KCNIP4: variants seen among roughly 807,000 people sequenced by gnomAD.
KCNIP4 encodes Kv channel-interacting protein 4.
KCNIP4 carries 12 observed loss-of-function variants against 34.0 expected under a neutral mutation model. The ratio of observed to expected loss-of-function variants is 0.35; its 90% CI spans 0.23 to 0.57. The LOEUF is 0.57. Among genes scored for constraint, KCNIP4 ranks in the 20% least tolerant of loss-of-function variants. The pLI, the probability that KCNIP4 is intolerant of heterozygous loss-of-function variation, is 0.83. For missense variants in KCNIP4, 238 were observed against 311.7 expected (o/e 0.76, Z 1.78); for synonymous variants, 124 against 102.2 (o/e 1.21, Z -1.29).
chr4:21,449,885 T>A (rs578177075), intron 1 of KCNIP4, among the ~76,000 whole-genome samples: 1 of 152,192 alleles, frequency 6.6e-6, no homozygotes, highest in South Asian at 2.1e-4. Context: ...ATTCCATCCA[T>A]CCATCCACCC....
intron 1 of KCNIP4, among the ~76,000 whole-genome samples, chr4:21,417,031 C>T (rs575360604): frequency 1.6e-4 from 25 of 152,184 alleles, no homozygotes; most frequent in Admixed American, 3.3e-4. Flanking sequence ...GTTTGCCTTC[C>T]GTGTTTTGTA....
At chr4:21,054,772 C>T (rs1250309279) in intron 1 of KCNIP4, among the ~76,000 whole-genome samples, 1 of 145,316 alleles carries the variant, frequency 6.9e-6, no homozygotes, top group Admixed American at 6.9e-5. Context: ...TAACTAAAAG[C>T]AGATCATATA....
intron 1 of KCNIP4, among the ~76,000 whole-genome samples, chr4:21,763,891 C>A (rs539411879): frequency 6.6e-6 from 1 of 152,042 alleles, no homozygotes; most frequent in East Asian, 1.9e-4. Context: ...AAAAAGGAAC[C>A]CTCAGCCAAC....
chr4:20,856,553 T>A (rs1055031769), intron 2 of KCNIP4, among the ~76,000 whole-genome samples: 10 of 152,182 alleles, frequency 6.6e-5, no homozygotes, highest in African/African-American at 2.2e-4. Flanking sequence ...ATCTTACATG[T>A]CTTGTTTATC....
At chr4:20,740,595 A>G (rs1750829005) in intron 5 of KCNIP4, among the ~76,000 whole-genome samples, 1 of 152,218 alleles carries the variant, frequency 6.6e-6, no homozygotes, top group African/African-American at 2.4e-5. Flanking sequence ...AGAAAGGAAC[A>G]ACTGATACCA....
At chr4:21,616,272 T>G (rs1328880365) in intron 1 of KCNIP4, among the ~76,000 whole-genome samples, 1 of 152,092 alleles carries the variant, frequency 6.6e-6, no homozygotes, top group African/African-American at 2.4e-5. Context: ...AATCTTACCT[T>G]TATCTCTCCA....
Position 21,291,869 on chromosome 4 carries a change from AAGAAAGAAAGAAAGAAAG to A in KCNIP4, c.62-409178_62-409161del, listed in dbSNP as rs1763510981. Among the ~76,000 whole-genome samples, 2 of 11,772 alleles carry A rather than the reference AAGAAAGAAAGAAAGAAAG, an allele frequency of 1.7e-4. 1 individual carries two copies. Among genetic ancestry groups the A allele is most frequent in the African/African-American group, 9.4e-4 (2 of 2,132 alleles). 7.7% of individuals were successfully genotyped at this position (11,772 alleles called of 152,430 possible). ...ACTCCGCCTCAAAAAAAAAAAAAAA[AAGAAAGAAAGAAAGAAAG>A]AAAGAAAGAAAGAAAGAAAGAAAGA... On this transcript the variant is annotated intron_variant, in intron 1 of 8. Coordinates refer to ENST00000382152, the MANE Select transcript of KCNIP4 (RefSeq NM_025221.6).
intron 1 of KCNIP4, among the ~76,000 whole-genome samples, chr4:21,073,761 T>C (rs1745199905): frequency 6.6e-6 from 1 of 152,176 alleles, no homozygotes; most frequent in Non-Finnish European, 1.5e-5. Context: ...CAGTATGATA[T>C]TGGCCATGGG....
intron 1 of KCNIP4, among the ~76,000 whole-genome samples, chr4:21,785,054 C>T (rs1373358072): frequency 6.6e-6 from 1 of 152,148 alleles, no homozygotes; most frequent in Non-Finnish European, 1.5e-5. Flanking sequence ...GTTTAAACTA[C>T]ACGTACAGCA....
At chr4:20,911,029 T>C (rs928128740) in intron 1 of KCNIP4, among the ~76,000 whole-genome samples, 2 of 151,934 alleles carry the variant, frequency 1.3e-5, no homozygotes, top group Admixed American at 6.6e-5. Context: ...AGAGAAAAAA[T>C]AGACTCCAGT....
intron 1 of KCNIP4, among the ~76,000 whole-genome samples, chr4:21,128,122 C>T (rs1303484794): frequency 2.6e-5 from 4 of 152,142 alleles, no homozygotes; most frequent in South Asian, 2.1e-4. Flanking sequence ...AATCAGACAG[C>T]CTTGTTCAAT....
chr4:21,797,970 T>C (rs1720728370), intron 1 of KCNIP4, among the ~76,000 whole-genome samples: 1 of 152,114 alleles, frequency 6.6e-6, no homozygotes, highest in South Asian at 2.1e-4. Context: ...GTAATCAGAA[T>C]AGTATGATGT....
chr4:21,397,099 AAAAAAAT>A (rs1213632667), intron 1 of KCNIP4, among the ~76,000 whole-genome samples: 1 of 152,206 alleles, frequency 6.6e-6, no homozygotes, highest in African/African-American at 2.4e-5. Context: ...TAGCTGAGGC[AAAAAAAT>A]AAAAAATAAA....
chr4:20,735,744 C>G (rs1178577874), intron 5 of KCNIP4, among the ~76,000 whole-genome samples: 1 of 151,996 alleles, frequency 6.6e-6, no homozygotes, highest in Admixed American at 6.6e-5. Context: ...ACCATGTTGG[C>G]CAGGTTGGTG....
intron 1 of KCNIP4, among the ~76,000 whole-genome samples, chr4:21,579,737 C>T (rs1577632225): frequency 6.6e-6 from 1 of 152,188 alleles, no homozygotes; most frequent in African/African-American, 2.4e-5. Context: ...CAGTTGAACA[C>T]AATGTAATTC....
chr4:21,459,581 A>G (rs1440010620), intron 1 of KCNIP4, among the ~76,000 whole-genome samples: 3 of 151,984 alleles, frequency 2.0e-5, no homozygotes, highest in Non-Finnish European at 1.5e-5. Context: ...CTCCAGACTC[A>G]TACATCCAAT....
intron 1 of KCNIP4, among the ~76,000 whole-genome samples, chr4:21,241,088 C>T (rs888059000): frequency 1.6e-4 from 25 of 151,728 alleles, no homozygotes; most frequent in African/African-American, 5.6e-4. Flanking sequence ...TGTTTTGTTG[C>T]TAAAGAATAT....
chr4:21,043,168 T>C (rs1742110977), intron 1 of KCNIP4, among the ~76,000 whole-genome samples: 3 of 152,218 alleles, frequency 2.0e-5, no homozygotes, highest in Non-Finnish European at 2.9e-5. Context: ...GAAAGAAAGT[T>C]CTCTTGACCT....
At chr4:21,324,286 CTG>C (rs1714802815) in intron 1 of KCNIP4, among the ~76,000 whole-genome samples, 2 of 151,818 alleles carry the variant, frequency 1.3e-5, no homozygotes, top group South Asian at 4.1e-4. Context: ...CTTTGGTTGC[CTG>C]TGTTTGTGGT....
Sources: allele counts gnomAD v4.1 joint callset (sites outside exome capture counted in the v4.1 genomes callset), GRCh38; gene constraint gnomAD v4.1.1; transcripts MANE v1.5; gene names NCBI Gene and HGNC (gene_info 2026-07-23, HGNC 2026-07-21).